The following ZMYM2 variants were observed in gnomAD, a reference collection of about 807,000 sequenced individuals.
ZMYM2 encodes zinc finger MYM-type protein 2.
A neutral mutation model predicts 162.8 loss-of-function variants in ZMYM2; 56 were observed. That is an observed-to-expected ratio of 0.34 (90% CI 0.28 to 0.43). The LOEUF (loss-of-function observed/expected upper bound fraction) is 0.43. Among genes scored for constraint, ZMYM2 ranks in the 20% least tolerant of loss-of-function variants. The pLI is 1.00. For missense variants in ZMYM2, 1,275 were observed against 1,621.8 expected (o/e 0.79, Z 3.67); for synonymous variants, 510 against 541.6 (o/e 0.94, Z 0.81).
intron 9 of ZMYM2, chr13:20,027,851 T>C (rs888608344): frequency 6.1e-6 from 1 of 163,268 alleles, no homozygotes; most frequent in Non-Finnish European, 1.3e-5. Flanking sequence ...GGAGTATGGA[T>C]AGTCTCAGAA....
chr13:20,003,317 AT>A (rs1212820439), intron 4 of ZMYM2, among the ~76,000 whole-genome samples, 182 bp downstream of exon 4: 6 of 152,202 alleles, frequency 3.9e-5, no homozygotes, highest in Non-Finnish European at 7.3e-5. Context: ...CTTATAATTA[AT>A]TTTGTCTGTA....
chr13:19,912,149 C>T, the ZMYM2 span, among the ~76,000 whole-genome samples: 116,227 of 151,798 alleles, frequency 0.77, 46,088 homozygotes, highest in Non-Finnish European at 0.88. Context: ...CAAATGCTTT[C>T]TTCTCCACAC....
intron 2 of ZMYM2, among the ~76,000 whole-genome samples, chr13:19,975,503 A>G (rs1204671393): frequency 1.3e-5 from 2 of 152,096 alleles, no homozygotes; most frequent in Non-Finnish European, 2.9e-5. Flanking sequence ...TCAGAGTTTT[A>G]TTCATTGTTA....
intron 14 of ZMYM2, among the ~76,000 whole-genome samples, chr13:20,055,085 T>C (rs1955682593): frequency 6.7e-6 from 1 of 150,294 alleles, no homozygotes; most frequent in South Asian, 2.1e-4. Flanking sequence ...TTCATATGGG[T>C]GAGTTCTATA....
chr13:19,897,723 T>A, the ZMYM2 span, among the ~76,000 whole-genome samples: 1 of 151,946 alleles, frequency 6.6e-6, no homozygotes, highest in African/African-American at 2.4e-5. Flanking sequence ...TATATAAATA[T>A]ATAAAATGAC....
At position 20,086,189 on chromosome 13, in the gene ZMYM2, TG is replaced by T; in HGVS notation, c.*176del. 1.9e-6 allele frequency: 1 copy of T among 516,476 alleles called. No individual in the cohort carries two copies. Among genetic ancestry groups the T allele is most frequent in the Admixed American group, 3.6e-5 (1 of 28,144 alleles). 32.0% of individuals were successfully genotyped at this position (516,476 alleles called of 1,614,324 possible). A position where few individuals can be genotyped will look rare whatever the true frequency, so the allele number is the denominator to read the frequency against. ...GTGAGTGAAAGTTGCCATTATTCTA[TG>T]TAGTGGTTTTAGGATACTTAACAAA... On this transcript the variant is annotated 3_prime_UTR_variant, in exon 25 of 25. Coordinates refer to ENST00000610343, the MANE Select transcript of ZMYM2 (RefSeq NM_197968.4).
intron 4 of ZMYM2, among the ~76,000 whole-genome samples, chr13:20,004,010 T>C (rs928206749): frequency 3.3e-5 from 5 of 152,192 alleles, no homozygotes; most frequent in African/African-American, 1.2e-4. Context: ...TGGTATGTTA[T>C]ATGCAAGGTA....
chr13:19,977,039 CTT>C (rs1249889912), intron 2 of ZMYM2, among the ~76,000 whole-genome samples: 1 of 152,170 alleles, frequency 6.6e-6, no homozygotes, highest in Non-Finnish European at 1.5e-5. Flanking sequence ...TCCTTTGTCT[CTT>C]ATAACCTTTT....
the ZMYM2 span, among the ~76,000 whole-genome samples, chr13:19,883,026 TAAAC>T: frequency 1.3e-5 from 2 of 152,166 alleles, no homozygotes; most frequent in African/African-American, 2.4e-5. Flanking sequence ...GACGAAAGGA[TAAAC>T]AAAATGTGGT....
At chr13:20,023,789 A>C (rs1952324351) in intron 7 of ZMYM2, among the ~76,000 whole-genome samples, 1 of 152,224 alleles carries the variant, frequency 6.6e-6, no homozygotes, top group Non-Finnish European at 1.5e-5. Flanking sequence ...AAAGCTGAGT[A>C]AACATGGCAT....
chr13:19,991,875 C>T (rs146592274), intron 2 of ZMYM2, among the ~76,000 whole-genome samples: 7 of 152,146 alleles, frequency 4.6e-5, no homozygotes, highest in African/African-American at 1.7e-4. Flanking sequence ...AGTGATCTGC[C>T]CACCTCAGCC....
chr13:19,868,125 A>G, the ZMYM2 span, among the ~76,000 whole-genome samples: 1 of 152,250 alleles, frequency 6.6e-6, no homozygotes, highest in Non-Finnish European at 1.5e-5. Flanking sequence ...TCAGACATGA[A>G]GAAAACCACC....
intron 12 of ZMYM2, among the ~76,000 whole-genome samples, chr13:20,045,066 A>AAAAAAAAAAAAAAC (rs1954638195): frequency 1.3e-5 from 2 of 151,244 alleles, no homozygotes; most frequent in African/African-American, 2.4e-5. Flanking sequence ...AAAAAAAAAA[A>AAAAAAAAAAAAAAC]AAAAAAGCAT....
chr13:20,022,209 C>G (rs1174553893), intron 7 of ZMYM2, among the ~76,000 whole-genome samples: 1 of 152,092 alleles, frequency 6.6e-6, no homozygotes, highest in East Asian at 1.9e-4. Context: ...GTGGAAGTTA[C>G]CTCTGCTTTA....
At chr13:19,888,551 A>G in the ZMYM2 span, among the ~76,000 whole-genome samples, 1 of 151,906 alleles carries the variant, frequency 6.6e-6, no homozygotes, top group Non-Finnish European at 1.5e-5. Context: ...TTTAAAAACT[A>G]TTAACTTTGT....
chr13:20,051,253 G>GCATC (rs369364385), intron 12 of ZMYM2, among the ~76,000 whole-genome samples, 180 bp from the exon 13 acceptor site: 24,125 of 73,960 alleles, frequency 0.33, 3,340 homozygotes, highest in Admixed American at 0.45. Flanking sequence ...CTGTGAAATT[G>GCATC]TATTTTTTTT....
intron 12 of ZMYM2, among the ~76,000 whole-genome samples, chr13:20,044,120 A>G (rs1453972758): frequency 3.3e-5 from 5 of 152,070 alleles, no homozygotes; most frequent in Non-Finnish European, 1.5e-5. Flanking sequence ...AAAGTCTCCT[A>G]TGGGAGCAAG....
chr13:19,936,756 C>G, the ZMYM2 span, among the ~76,000 whole-genome samples: 1 of 151,830 alleles, frequency 6.6e-6, no homozygotes, highest in African/African-American at 2.4e-5. Flanking sequence ...TACAAGAGAA[C>G]AACACTTAAA....
chr13:19,987,937 G>A (rs756881301), intron 2 of ZMYM2, among the ~76,000 whole-genome samples: 4 of 152,158 alleles, frequency 2.6e-5, no homozygotes, highest in Non-Finnish European at 4.4e-5. Context: ...AGTAATAAAT[G>A]TATCTTTTGC....
Sources: allele counts gnomAD v4.1 joint callset (sites outside exome capture counted in the v4.1 genomes callset), GRCh38; gene constraint gnomAD v4.1.1; transcripts MANE v1.5; gene names NCBI Gene and HGNC (gene_info 2026-07-23, HGNC 2026-07-21).